The following OSBPL6 variants were observed in gnomAD, a reference collection of about 807,000 sequenced individuals.
OSBPL6 encodes oxysterol-binding protein-related protein 6.
Under a neutral mutation model 125.8 loss-of-function variants are expected in OSBPL6, and 49 were observed. The observed-to-expected ratio is 0.39, with a 90% CI of 0.31 to 0.49. The LOEUF is 0.49. Among genes scored for constraint, OSBPL6 ranks in the 20% least tolerant of loss-of-function variants. The pLI is 0.88. For synonymous variants in OSBPL6, 394 were observed against 391.8 expected (o/e 1.01, Z -0.07); for missense variants, 986 against 1,135.4 (o/e 0.87, Z 1.89).
chr2:178,291,193 A>G (rs985106529), intron 2 of OSBPL6, among the ~76,000 whole-genome samples: 15 of 151,930 alleles, frequency 9.9e-5, no homozygotes, highest in Admixed American at 1.3e-4. Context: ...TTTCTCCCCA[A>G]CTCCATTTTT....
chr2:178,233,677 G>A (rs190041177), intron 1 of OSBPL6, among the ~76,000 whole-genome samples: 3 of 152,226 alleles, frequency 2.0e-5, no homozygotes, highest in African/African-American at 4.8e-5. Flanking sequence ...GATTTCAGTC[G>A]ATGTTCAGTA....
chr2:178,327,022 G>A (rs1688752775), intron 4 of OSBPL6, among the ~76,000 whole-genome samples: 1 of 151,330 alleles, frequency 6.6e-6, no homozygotes, highest in Middle Eastern at 3.4e-3. Flanking sequence ...AAGGGTGGGG[G>A]GTGGCGAGGG....
At chr2:178,384,612 G>C (rs527481592) in intron 18 of OSBPL6, among the ~76,000 whole-genome samples, 2 of 152,292 alleles carry the variant, frequency 1.3e-5, no homozygotes, top group African/African-American at 4.8e-5. Context: ...GGTAGAGAGA[G>C]AGTCACTTAT....
At chr2:178,194,383 C>G (rs1050914248), upstream of OSBPL6, 3 of 151,996 alleles carry the variant, frequency 2.0e-5, no homozygotes, top group African/African-American at 4.8e-5. Context: ...CCACTCCAGC[C>G]GGGCGGACGG....
chr2:178,213,181 A>C (rs1422237948), intron 1 of OSBPL6, among the ~76,000 whole-genome samples: 2 of 151,956 alleles, frequency 1.3e-5, no homozygotes, highest in African/African-American at 4.8e-5. Context: ...AAATGTCAGT[A>C]CTTCCAGGAA....
chr2:178,298,167 G>T (rs941140460), intron 2 of OSBPL6, among the ~76,000 whole-genome samples: 2 of 152,156 alleles, frequency 1.3e-5, no homozygotes, highest in Non-Finnish European at 2.9e-5. Context: ...ACTTTAAAAT[G>T]ATGCCTTCAG....
At chr2:178,245,359 T>G (rs1212225256) in intron 1 of OSBPL6, among the ~76,000 whole-genome samples, 2 of 152,220 alleles carry the variant, frequency 1.3e-5, no homozygotes, top group Non-Finnish European at 2.9e-5. Context: ...TATGTATAGT[T>G]GAATTCTGTT....
chr2:178,199,129 CT>C (rs1227078954), intron 1 of OSBPL6, among the ~76,000 whole-genome samples: 4 of 152,174 alleles, frequency 2.6e-5, no homozygotes, highest in Non-Finnish European at 5.9e-5. Flanking sequence ...TAAATACTAT[CT>C]GGCAGATAGT....
At chr2:178,361,579 C>A in intron 12 of OSBPL6, 103 bp from the exon 13 acceptor site, 1 of 1,416,512 alleles carries the variant, frequency 7.1e-7, no homozygotes, top group Non-Finnish European at 9.7e-7. Flanking sequence ...ATAGCCTTTC[C>A]AAAAAATGCC....
At chr2:178,249,077 T>C (rs2091594477) in intron 1 of OSBPL6, among the ~76,000 whole-genome samples, 1 of 152,012 alleles carries the variant, frequency 6.6e-6, no homozygotes, top group Admixed American at 6.6e-5. Context: ...GCTGGGATTA[T>C]AAAGTGTGCA....
chr2:178,348,271 A>C (rs1353981532), intron 11 of OSBPL6, among the ~76,000 whole-genome samples: 51 of 152,188 alleles, frequency 3.4e-4, no homozygotes, highest in Non-Finnish European at 1.2e-4. Context: ...CAAAATTTCA[A>C]CTTGTGGTGG....
chr2:178,350,531 C>T (rs1424045940), intron 12 of OSBPL6, among the ~76,000 whole-genome samples: 3 of 152,096 alleles, frequency 2.0e-5, no homozygotes, highest in African/African-American at 7.2e-5. Context: ...TCAAACCATC[C>T]GCAAAAATAT....
At chr2:178,388,713 A>C (rs1695155320) in intron 20 of OSBPL6, among the ~76,000 whole-genome samples, 1 of 152,160 alleles carries the variant, frequency 6.6e-6, no homozygotes, top group East Asian at 1.9e-4. Context: ...TGCATATTTT[A>C]AGTATTTGTT....
intron 12 of OSBPL6, among the ~76,000 whole-genome samples, chr2:178,357,032 C>A (rs1455367370): frequency 6.6e-6 from 1 of 152,128 alleles, no homozygotes; most frequent in East Asian, 1.9e-4. Context: ...AACTGGCTAG[C>A]CATATGTAGA....
chr2:178,386,477 T>G (rs1694941020), intron 19 of OSBPL6, among the ~76,000 whole-genome samples: 1 of 152,244 alleles, frequency 6.6e-6, no homozygotes, highest in African/African-American at 2.4e-5. Context: ...AAATTTTATT[T>G]TATCTGTATT....
At chr2:178,319,480 T>C (rs916354238) in intron 3 of OSBPL6, among the ~76,000 whole-genome samples, 1 of 152,246 alleles carries the variant, frequency 6.6e-6, no homozygotes, top group Non-Finnish European at 1.5e-5. Context: ...CAGAAGGCCA[T>C]ATATACAAGC....
chr2:178,364,259 T>A (rs1442510432), intron 13 of OSBPL6, among the ~76,000 whole-genome samples: 1 of 152,188 alleles, frequency 6.6e-6, no homozygotes, highest in East Asian at 1.9e-4. Flanking sequence ...GGTTTTGGAT[T>A]TATCCTATCA....
At chr2:178,349,959 C>T (rs531465336) in intron 12 of OSBPL6, among the ~76,000 whole-genome samples, 4 of 152,228 alleles carry the variant, frequency 2.6e-5, no homozygotes, top group Admixed American at 2.0e-4. Flanking sequence ...ACAACTGTGC[C>T]GCCTTCCTCT....
At chr2:178,320,237 T>G in intron 3 of OSBPL6, 2 of 1,595,172 alleles carry the variant, frequency 1.3e-6, no homozygotes, top group Non-Finnish European at 1.7e-6. Context: ...ACAGTCATGT[T>G]GGCACATTTC....
Sources: allele counts gnomAD v4.1 joint callset (sites outside exome capture counted in the v4.1 genomes callset), GRCh38; gene constraint gnomAD v4.1.1; transcripts MANE v1.5; gene names NCBI Gene and HGNC (gene_info 2026-07-23, HGNC 2026-07-21).